Variants in COL4A4 observed in about 807,000 individuals in gnomAD.
COL4A4 encodes the protein collagen alpha-4(IV) chain.
COL4A4 carries 105 observed loss-of-function variants against 192.9 expected under a neutral mutation model. The ratio of observed to expected loss-of-function variants is 0.54; its 90% confidence interval spans 0.46 to 0.64. The LOEUF (loss-of-function observed/expected upper bound fraction) is 0.64, where lower values mean the gene tolerates loss of function less well. Ranked by LOEUF, COL4A4 falls within the 30% of genes least tolerant of loss-of-function variation. The probability of loss-of-function intolerance (pLI) is 0.00; values close to 1 mark genes in which losing one functional copy is unlikely to be tolerated. For missense variants in COL4A4, 1,967 were observed against 2,169.3 expected (o/e 0.91, Z 1.85); for synonymous variants, 762 against 769.9 (o/e 0.99, Z 0.17).
At position 227,068,569 on chromosome 2, in the gene COL4A4, G is replaced by A. The variant is rs1329323535; in HGVS notation, c.1988-5971C>T. The stretch of plus-strand genomic sequence containing the variant: ...GATGCAAGGCTGGTTCAATATACGC[G>A]AATCAATAAATGTAATCCAGCATAT... On this transcript the variant is annotated intron_variant, in intron 25 of 47. Transcript: ENST00000396625. 1.4e-4 allele frequency among the ~76,000 whole-genome samples: 22 copies of A among 152,166 alleles called. No homozygotes were observed. The South Asian group carries it at 1.7e-3, about 11-fold the overall frequency.
At chr2:227,107,185 G>A (rs2060896568) in intron 12 of COL4A4, among the ~76,000 whole-genome samples, 1 of 152,178 alleles carries the variant, frequency 6.6e-6, no homozygotes, top group Admixed American at 6.5e-5. Context: ...AAGGTTGGGG[G>A]AAGGGGAAAG....
intron 20 of COL4A4, among the ~76,000 whole-genome samples, chr2:227,091,877 G>A (rs903114757): frequency 2.0e-5 from 3 of 150,750 alleles, no homozygotes; most frequent in African/African-American, 7.4e-5. Context: ...GCCTGGGCAA[G>A]AGTAACACTC....
intron 7 of COL4A4, among the ~76,000 whole-genome samples, chr2:227,118,333 A>G (rs1553694961): frequency 6.6e-6 from 1 of 151,934 alleles, no homozygotes; most frequent in Non-Finnish European, 1.5e-5. Context: ...TTTCCCTACT[A>G]TCTATTCTCT....
Position 227,041,803 on chromosome 2 carries a change from AG to A in COL4A4, c.3505+344del, listed in dbSNP as rs1559476764. On this transcript the variant is annotated intron_variant, in intron 37 of 47. Transcript: ENST00000396625. ...GGAAGGAAGGGAAAGAAAGAAAGAA[AG>A]GAAGAAAGAAAGAAAGAAAGAAAGA... 3.6e-4 allele frequency among the ~76,000 whole-genome samples: 19 copies of A among 52,306 alleles called. 3 individuals are homozygous for A. The highest frequency in any genetic ancestry group is 1.7e-3 in the African/African-American group (18 of 10,624). The allele number at this position is 52,306 out of a possible 152,430, so 34.3% of individuals were successfully genotyped here.
chr2:227,104,082 T>A, intron 12 of COL4A4, 30 bp from the exon 13 acceptor site: 1 of 1,579,750 alleles, frequency 6.3e-7, no homozygotes, highest in Non-Finnish European at 8.7e-7. Flanking sequence ...TAATGAAAAT[T>A]TCATATTAAT....
At chr2:227,027,617 A>G (rs1457785659) in intron 42 of COL4A4, among the ~76,000 whole-genome samples, 2 of 149,740 alleles carry the variant, frequency 1.3e-5, no homozygotes, top group Non-Finnish European at 3.0e-5. Flanking sequence ...CATGTACACT[A>G]GAACTTAAAG....
In COL4A4 at chr2:227,154,617, C is replaced by T. The variant is rs192639002; in HGVS notation, c.-101-7033G>A. Among the ~76,000 whole-genome samples the T allele has an allele frequency of 9.6e-4, 147 of 152,336 alleles. 2 individuals carry two copies. Among genetic ancestry groups the T allele is most frequent in the Non-Finnish European group, 1.8e-3 (122 of 68,032 alleles). On this transcript the variant is annotated intron_variant, in intron 1 of 47. Transcript: ENST00000396625. ...CATATTTTCCTTTTTGGCCTTTCGACACTGAGCCATCTGAATACTCTCTTT... is the reference window on the plus strand; with the variant it reads ...CATATTTTCCTTTTTGGCCTTTCGATACTGAGCCATCTGAATACTCTCTTT...
chr2:226,990,911 C>T, the COL4A4 span, among the ~76,000 whole-genome samples: 1 of 152,232 alleles, frequency 6.6e-6, no homozygotes, highest in South Asian at 2.1e-4. Flanking sequence ...GGAGCAGGGC[C>T]GTTTCACCCA....
At chr2:227,129,411 C>CA (rs1553702075) in intron 4 of COL4A4, among the ~76,000 whole-genome samples, 5 of 138,014 alleles carry the variant, frequency 3.6e-5, no homozygotes, top group South Asian at 2.3e-4. Context: ...TTCTAGTATA[C>CA]TTTTTTTTTT....
chr2:227,041,838 AAG>A (rs752857780), intron 37 of COL4A4, among the ~76,000 whole-genome samples: 2 of 41,566 alleles, frequency 4.8e-5, no homozygotes, highest in African/African-American at 1.2e-4. Flanking sequence ...GAAAGAAAGA[AAG>A]AAAGAAAGAG....
At chr2:227,143,534 T>C (rs1438569394) in intron 3 of COL4A4, among the ~76,000 whole-genome samples, 1 of 152,204 alleles carries the variant, frequency 6.6e-6, no homozygotes, top group African/African-American at 2.4e-5. Context: ...AGTCCTGGGA[T>C]AGAAAAATCT....
chr2:227,033,583 G>A (rs1263265707), intron 37 of COL4A4, 102 bp from the exon 38 acceptor site: 1 of 948,952 alleles, frequency 1.1e-6, no homozygotes, highest in African/African-American at 1.6e-5. Flanking sequence ...CGTTGCTGGG[G>A]CCAGCAAACA....
intron 19 of COL4A4, among the ~76,000 whole-genome samples, chr2:227,098,221 T>TA (rs1460871675): frequency 2.0e-5 from 3 of 152,208 alleles, no homozygotes; most frequent in Non-Finnish European, 4.4e-5. Context: ...GTGAATGTAC[T>TA]AAATTTTACA....
At chr2:226,974,692 A>G in the COL4A4 span, among the ~76,000 whole-genome samples, 3 of 152,282 alleles carry the variant, frequency 2.0e-5, no homozygotes, top group Admixed American at 2.0e-4. Context: ...AGTGATTTGT[A>G]TAGATTTCCA....
At chr2:227,068,586 C>G (rs1270622072) in intron 25 of COL4A4, among the ~76,000 whole-genome samples, 1 of 152,106 alleles carries the variant, frequency 6.6e-6, no homozygotes, top group Non-Finnish European at 1.5e-5. Context: ...TAAATGTAAT[C>G]CAGCATATAA....
intron 25 of COL4A4, among the ~76,000 whole-genome samples, chr2:227,066,296 G>T (rs1216895793): frequency 6.6e-6 from 1 of 151,988 alleles, no homozygotes; most frequent in East Asian, 1.9e-4. Flanking sequence ...CACTCTGCAG[G>T]ATATTATCCA....
In COL4A4 at chr2:227,118,693, G is replaced by A; in HGVS notation, c.441C>T (p.Asp147=). The change falls in exon 7 of 48, where the codon GAC becomes GAT. Residue 147 remains aspartate (D), a synonymous_variant. Coordinates refer to ENST00000396625, the MANE Select transcript of COL4A4 (RefSeq NM_000092.5). ...CTCCTCTTCCTCCTGGAAACCCTGGGTCACCTCTTGAGCCATTGTGGCCAC... is the reference window on the plus strand; with the variant it reads ...CTCCTCTTCCTCCTGGAAACCCTGGATCACCTCTTGAGCCATTGTGGCCAC... ...GMSGHNGSRG[D]PGFPGGRGAL... 1.2e-6 allele frequency: 2 copies of A among 1,614,030 alleles called. No individual in the cohort carries two copies. The highest frequency in any genetic ancestry group is 1.7e-6 in the Non-Finnish European group (2 of 1,180,014).
At chr2:227,103,297 T>A in intron 13 of COL4A4, 100 bp from the exon 14 acceptor site, 1 of 954,004 alleles carries the variant, frequency 1.0e-6, no homozygotes, top group Non-Finnish European at 1.6e-6. Context: ...CTGTTTCACC[T>A]TAAAAAAAAA....
chr2:227,109,071 G>A lies in COL4A4; in HGVS notation c.657+153C>T, dbSNP rs150470862. Reference sequence around the variant, plus strand: ...CCGCAGGGACCTGTGCTTCAAGATGGAGTCCCACTGATAATGGTGGGTTTT... The same window carrying A: ...CCGCAGGGACCTGTGCTTCAAGATGAAGTCCCACTGATAATGGTGGGTTTT... On this transcript the variant is annotated intron_variant, in intron 10 of 47. Transcript: ENST00000396625. 7 of 895,236 alleles carry A rather than the reference G, an allele frequency of 7.8e-6. No homozygotes were observed. In the East Asian group the frequency reaches 1.4e-4, roughly 18 times the overall value. 55.5% of individuals were successfully genotyped at this position (895,236 alleles called of 1,614,324 possible).
Sources: gnomAD v4.1 joint callset for allele counts (sites outside exome capture counted in the v4.1 genomes callset) on GRCh38, gnomAD v4.1.1 for gene constraint, MANE v1.5 for transcripts, NCBI Gene and HGNC (gene_info 2026-07-23, HGNC 2026-07-21) for gene names.